The following C1orf141 variants were observed in gnomAD, a reference collection of about 807,000 sequenced individuals.
The protein encoded by C1orf141 is uncharacterized protein C1orf141.
A neutral mutation model predicts 23.2 loss-of-function variants in C1orf141; 19 were observed. The ratio of observed to expected loss-of-function variants is 0.82; its 90% CI spans 0.57 to 1.20. C1orf141 has a LOEUF of 1.20. Ranked by LOEUF, C1orf141 falls within the 50% of genes most tolerant of loss-of-function variation. The pLI is 0.00. For missense variants in C1orf141, 469 were observed against 455.1 expected (o/e 1.03, Z -0.28); for synonymous variants, 153 against 154.6 (o/e 0.99, Z 0.08).
At chr1:67,125,526 C>T (rs1193841606) in intron 4 of C1orf141, among the ~76,000 whole-genome samples, 1 of 152,038 alleles carries the variant, frequency 6.6e-6, no homozygotes, top group Non-Finnish European at 1.5e-5. Context: ...GGGAAAACCC[C>T]ATCTCTATAA....
chr1:67,103,285 A>G, intron 5 of C1orf141: 1 of 1,485,904 alleles, frequency 6.7e-7, no homozygotes, highest in Non-Finnish European at 9.1e-7. Context: ...ATTAGACTGA[A>G]TGTTGAACAT....
intron 4 of C1orf141, among the ~76,000 whole-genome samples, chr1:67,115,707 T>G (rs957604233): frequency 1.3e-5 from 2 of 152,142 alleles, no homozygotes; most frequent in Non-Finnish European, 2.9e-5. Context: ...TTGAGGGCAC[T>G]CCAAGAAACT....
chr1:67,141,366 A>G (rs556717026), intron 1 of C1orf141, among the ~76,000 whole-genome samples: 1 of 152,300 alleles, frequency 6.6e-6, no homozygotes, highest in Non-Finnish European at 1.5e-5. Flanking sequence ...AAACACTTCA[A>G]CATGGCCAAA....
chr1:67,140,991 T>C (rs1292333940), intron 1 of C1orf141, among the ~76,000 whole-genome samples: 2 of 152,222 alleles, frequency 1.3e-5, no homozygotes, highest in Non-Finnish European at 2.9e-5. Context: ...TCTGAATTAC[T>C]ATTTTTAGAT....
At chr1:67,134,267 G>A (rs1202494101) in intron 1 of C1orf141, among the ~76,000 whole-genome samples, 2 of 152,244 alleles carry the variant, frequency 1.3e-5, no homozygotes, top group African/African-American at 4.8e-5. Context: ...GCCTCCCAAA[G>A]TGCTGGGATT....
upstream of C1orf141, among the ~76,000 whole-genome samples, chr1:67,135,359 T>G (rs889175826): frequency 6.6e-6 from 1 of 152,210 alleles, no homozygotes; most frequent in Non-Finnish European, 1.5e-5. Context: ...TATTTGAATA[T>G]TTGATGGAAG....
chr1:67,131,729 CAT>C (rs1558208730), intron 1 of C1orf141, among the ~76,000 whole-genome samples: 6 of 151,780 alleles, frequency 4.0e-5, no homozygotes, highest in Admixed American at 3.3e-4. Flanking sequence ...TGTTCTCCCA[CAT>C]GTCTTCCAGT....
chr1:67,127,956 T>C (rs114620098), intron 2 of C1orf141, among the ~76,000 whole-genome samples: 6 of 152,012 alleles, frequency 3.9e-5, no homozygotes, highest in Non-Finnish European at 4.4e-5. Context: ...TTTGGACATA[T>C]CTGTTTTCTT....
chr1:67,133,996 CTTAT>C (rs1164407895), intron 1 of C1orf141, among the ~76,000 whole-genome samples: 3 of 152,024 alleles, frequency 2.0e-5, no homozygotes, highest in South Asian at 2.1e-4. Flanking sequence ...TTTCTTGTCC[CTTAT>C]TTATTTATTT....
chr1:67,104,885 T>C (rs1340793243), intron 5 of C1orf141, among the ~76,000 whole-genome samples: 1 of 152,230 alleles, frequency 6.6e-6, no homozygotes, highest in Non-Finnish European at 1.5e-5. Flanking sequence ...TTCTATATGT[T>C]ATTATAACTC....
chr1:67,101,445 TAA>T (rs972700470), intron 5 of C1orf141, among the ~76,000 whole-genome samples: 10 of 138,334 alleles, frequency 7.2e-5, no homozygotes. Context: ...ATGTTGAATG[TAA>T]GAGTGTGTGT....
chr1:67,126,972 C>T (rs935664447), intron 3 of C1orf141, among the ~76,000 whole-genome samples, 194 bp downstream of exon 3: 1 of 152,114 alleles, frequency 6.6e-6, no homozygotes, highest in Non-Finnish European at 1.5e-5. Context: ...TGGGATGATT[C>T]GTTGAAACTT....
chr1:67,129,989 T>A (rs1259310533), intron 2 of C1orf141, among the ~76,000 whole-genome samples: 2 of 152,248 alleles, frequency 1.3e-5, no homozygotes, highest in African/African-American at 4.8e-5. Context: ...GATTAGTCTC[T>A]ATATTTTATT....
chr1:67,127,823 C>T (rs775109383), intron 2 of C1orf141, among the ~76,000 whole-genome samples: 21 of 151,908 alleles, frequency 1.4e-4, no homozygotes, highest in Non-Finnish European at 2.6e-4. Context: ...TTAGTAGAGA[C>T]AGGGGTTCAT....
intron 6 of C1orf141, 153 bp from the exon 7 acceptor site, chr1:67,095,574 G>T: frequency 3.7e-6 from 2 of 536,274 alleles, no homozygotes; most frequent in Non-Finnish European, 6.5e-6. Flanking sequence ...ATCCCGTCCT[G>T]CCTGGTTTGT....
chr1:67,138,391 AT>A (rs1646603873), upstream of C1orf141, among the ~76,000 whole-genome samples: 1 of 152,128 alleles, frequency 6.6e-6, no homozygotes, highest in Admixed American at 6.5e-5. Flanking sequence ...TTACTTGACA[AT>A]TCTTCTGAAT....
At chr1:67,123,080 G>C (rs922175295) in intron 4 of C1orf141, 5 of 152,202 alleles carry the variant, frequency 3.3e-5, no homozygotes, top group African/African-American at 1.2e-4. Flanking sequence ...GCACATGCCT[G>C]TAGTCCCAGC....
intron 2 of C1orf141, 44 bp from the exon 3 acceptor site, chr1:67,127,301 T>G (rs1411097343): frequency 2.6e-6 from 3 of 1,155,830 alleles, no homozygotes; most frequent in Non-Finnish European, 3.8e-6. Flanking sequence ...AATTCAAATT[T>G]AAACATAAAA....
intron 5 of C1orf141, 25 bp downstream of exon 5, chr1:67,115,327 G>A (rs768914313): frequency 3.6e-6 from 3 of 839,450 alleles, no homozygotes; most frequent in South Asian, 3.0e-5. Flanking sequence ...AATCAAAGAA[G>A]TAAATATGTT....
Sources: allele counts gnomAD v4.1 joint callset (sites outside exome capture counted in the v4.1 genomes callset), GRCh38; gene constraint gnomAD v4.1.1; transcripts MANE v1.5; gene names NCBI Gene and HGNC (gene_info 2026-07-23, HGNC 2026-07-21).